PKP4: variants seen among roughly 807,000 people sequenced by gnomAD.
PKP4 encodes the protein plakophilin 4, also known as plakophilin-4.
Under a neutral mutation model 145.1 loss-of-function variants are expected in PKP4, and 90 were observed. The observed-to-expected ratio is 0.62, with a 90% confidence interval of 0.52 to 0.74. The LOEUF (loss-of-function observed/expected upper bound fraction) is 0.74. Among genes scored for constraint, PKP4 ranks in the 30% least tolerant of loss-of-function variants. PKP4 has a pLI of 0.00. For missense variants in PKP4, 1,340 were observed against 1,482.7 expected (o/e 0.90, Z 1.58); for synonymous variants, 563 against 577.2 (o/e 0.98, Z 0.35).
At chr2:158,634,426 C>A (rs2053644552) in intron 9 of PKP4, 137 bp downstream of exon 9, 2 of 604,580 alleles carry the variant, frequency 3.3e-6, no homozygotes, top group South Asian at 2.2e-5. Flanking sequence ...ATTAATACTT[C>A]CAGTTGTATT....
intron 1 of PKP4, among the ~76,000 whole-genome samples, chr2:158,511,957 T>A (rs1339317789): frequency 6.6e-6 from 1 of 152,190 alleles, no homozygotes; most frequent in African/African-American, 2.4e-5. Context: ...AAGAATGGTA[T>A]GGCATGAGTC....
chr2:158,563,167 G>T (rs3771607), intron 2 of PKP4, among the ~76,000 whole-genome samples: 4,322 of 152,112 alleles, frequency 0.028, 159 homozygotes, highest in East Asian at 0.13. Flanking sequence ...TTCTTTGATA[G>T]GTCAGAATTG....
intron 11 of PKP4, among the ~76,000 whole-genome samples, chr2:158,643,110 G>T (rs567634675): frequency 5.3e-5 from 8 of 152,060 alleles, no homozygotes; most frequent in African/African-American, 1.4e-4. Flanking sequence ...GTATTCCCAC[G>T]TACTTTACTA....
intron 8 of PKP4, among the ~76,000 whole-genome samples, chr2:158,633,289 A>C (rs1054892364): frequency 1.8e-4 from 28 of 152,250 alleles, no homozygotes; most frequent in African/African-American, 6.8e-4. Flanking sequence ...GCACAGTAAG[A>C]GATTAACAAC....
chr2:158,637,153 T>C (rs1470956340), intron 9 of PKP4, among the ~76,000 whole-genome samples: 1 of 152,224 alleles, frequency 6.6e-6, no homozygotes, highest in Admixed American at 6.5e-5. Context: ...GAGAACTAAA[T>C]TACTGGCAGA....
intron 1 of PKP4, among the ~76,000 whole-genome samples, chr2:158,461,183 C>A (rs749301385): frequency 1.3e-5 from 2 of 152,120 alleles, no homozygotes; most frequent in Non-Finnish European, 2.9e-5. Flanking sequence ...CTTACCTTGT[C>A]ACTTTAATAA....
In PKP4 at chr2:158,674,623, A is replaced by G. The variant is rs1196778433; in HGVS notation, c.3127+623A>G. ...TTTTAAGTTGGGAATCCTGGCAACCATACTACCTACTTCTTTGTAATGTTT... is the reference window on the plus strand; with the variant it reads ...TTTTAAGTTGGGAATCCTGGCAACCGTACTACCTACTTCTTTGTAATGTTT... On this transcript the variant is annotated intron_variant, in intron 19 of 21. Coordinates refer to ENST00000389759, the MANE Select transcript of PKP4 (RefSeq NM_003628.6). Among the ~76,000 whole-genome samples, 3 of 152,184 alleles carry G rather than the reference A, an allele frequency of 2.0e-5. No homozygotes were observed. The East Asian group carries it at 5.8e-4, about 29-fold the overall frequency.
chr2:158,563,893 T>G (rs1287603695), intron 2 of PKP4, among the ~76,000 whole-genome samples: 1 of 152,172 alleles, frequency 6.6e-6, no homozygotes, highest in Non-Finnish European at 1.5e-5. Context: ...GTTAGCATAC[T>G]TTAATGGCTT....
At chr2:158,542,825 C>T (rs1485121715) in intron 2 of PKP4, among the ~76,000 whole-genome samples, 3 of 152,058 alleles carry the variant, frequency 2.0e-5, no homozygotes, top group Admixed American at 2.0e-4. Context: ...CTGCTGCTAC[C>T]ACAACAGGAA....
At chr2:158,470,667 G>A (rs1489644561) in intron 1 of PKP4, among the ~76,000 whole-genome samples, 1 of 152,212 alleles carries the variant, frequency 6.6e-6, no homozygotes, top group African/African-American at 2.4e-5. Flanking sequence ...TGGGACAGAT[G>A]ATGCTGGACA....
At chr2:158,463,646 G>A (rs1160683155) in intron 1 of PKP4, among the ~76,000 whole-genome samples, 1 of 152,122 alleles carries the variant, frequency 6.6e-6, no homozygotes, top group Non-Finnish European at 1.5e-5. Flanking sequence ...AAATGAGGGA[G>A]TTGGTCTAGA....
At chr2:158,536,483 C>A (rs2044057675) in intron 2 of PKP4, among the ~76,000 whole-genome samples, 1 of 152,128 alleles carries the variant, frequency 6.6e-6, no homozygotes, top group African/African-American at 2.4e-5. Flanking sequence ...ACACATACTC[C>A]CCTTGGGCAA....
At position 158,565,071 on chromosome 2, in the gene PKP4, C is replaced by T. The variant is rs578197494; in HGVS notation, c.133-12200C>T. Among the ~76,000 whole-genome samples, 70 of 152,286 alleles carry T rather than the reference C, an allele frequency of 4.6e-4. 1 individual carries two copies. The South Asian group carries it at 0.014, about 30-fold the overall frequency. On this transcript the variant is annotated intron_variant, in intron 2 of 21. Transcript: ENST00000389759. ...CAGTCCAACTCTTCACTTACTAATT[C>T]GTGTGACCTTGGGCAAGTCATTTAC...
At chr2:158,618,848 C>G (rs1023564752) in intron 4 of PKP4, among the ~76,000 whole-genome samples, 5 of 152,000 alleles carry the variant, frequency 3.3e-5, no homozygotes, top group Admixed American at 3.3e-4. Flanking sequence ...ACACTACATG[C>G]CACCTAGTGT....
At chr2:158,605,631 A>G (rs1258841265) in intron 4 of PKP4, among the ~76,000 whole-genome samples, 1 of 152,074 alleles carries the variant, frequency 6.6e-6, no homozygotes, top group Non-Finnish European at 1.5e-5. Flanking sequence ...CTTTATTATA[A>G]TAGCTTTATT....
chr2:158,531,254 C>G (rs1296448598), intron 1 of PKP4, among the ~76,000 whole-genome samples: 1 of 152,166 alleles, frequency 6.6e-6, no homozygotes, highest in Non-Finnish European at 1.5e-5. Flanking sequence ...TTCTCCTTTT[C>G]TCAAATTATC....
chr2:158,624,966 C>A lies in PKP4; in HGVS notation c.692C>A (p.Ser231Tyr). 1 of 1,614,146 alleles carries A rather than the reference C, an allele frequency of 6.2e-7. No individual in the cohort carries two copies. The highest frequency in any genetic ancestry group is 8.5e-7 in the Non-Finnish European group (1 of 1,179,990). ...SPSYVISTGV[S>Y]PSRGSLRTSL... Reference sequence around the variant, plus strand: ...TCTTATGTTATCAGCACAGGCGTGTCTCCTTCAAGGGGGTCTCTGAGAACT... The same window carrying A: ...TCTTATGTTATCAGCACAGGCGTGTATCCTTCAAGGGGGTCTCTGAGAACT... The change falls in exon 7 of 22, where the codon TCT (serine) becomes TAT (tyrosine). Residue 231 changes from serine to tyrosine, a missense_variant. Transcript: ENST00000389759.
At chr2:158,674,332 C>T (rs956388184) in intron 19 of PKP4, among the ~76,000 whole-genome samples, 4 of 152,206 alleles carry the variant, frequency 2.6e-5, no homozygotes, top group South Asian at 2.1e-4. Flanking sequence ...CACTTCGAGA[C>T]GCACTGGGTT....
intron 1 of PKP4, among the ~76,000 whole-genome samples, chr2:158,519,712 T>C (rs1006401418): frequency 6.6e-6 from 1 of 152,226 alleles, no homozygotes; most frequent in African/African-American, 2.4e-5. Context: ...ATTTCTAGAC[T>C]GACTAATTTT....
Sources: allele counts gnomAD v4.1 joint callset (sites outside exome capture counted in the v4.1 genomes callset), GRCh38; gene constraint gnomAD v4.1.1; transcripts MANE v1.5; gene names NCBI Gene and HGNC (gene_info 2026-07-23, HGNC 2026-07-21).